PRKCQ: variants seen among roughly 807,000 people sequenced by gnomAD.
The protein encoded by PRKCQ is protein kinase C theta, also known as protein kinase C theta type.
PRKCQ carries 41 observed loss-of-function variants against 91.2 expected under a neutral mutation model. That is an observed-to-expected ratio of 0.45 (90% CI 0.35 to 0.58). The LOEUF is 0.58. Ranked by LOEUF, PRKCQ falls within the 20% of genes least tolerant of loss-of-function variation. The pLI is 0.00. For synonymous variants in PRKCQ, 307 were observed against 316.9 expected, an observed-to-expected ratio of 0.97 and a Z score of 0.33; for missense variants, 673 against 896.5, an observed-to-expected ratio of 0.75 and a Z score of 3.18.
Position 6,456,829 on chromosome 10 carries a change from A to G in PRKCQ, c.1509-17T>C. 1 of 1,613,182 alleles carries G rather than the reference A, an allele frequency of 6.2e-7. No homozygotes were observed. Among genetic ancestry groups the G allele is most frequent in the Non-Finnish European group, 8.5e-7 (1 of 1,179,542 alleles). ...TTCAGGTCCCTGAAAAACAAAAGTG[A>G]AGCAAATCTCACATTAATCAATATA... On this transcript the variant is annotated splice_polypyrimidine_tract_variant and intron_variant, in intron 14 of 17. Coordinates refer to ENST00000263125, the MANE Select transcript of PRKCQ (RefSeq NM_006257.5).
chr10:6,570,850 T>C (rs181040127), intron 1 of PRKCQ, among the ~76,000 whole-genome samples: 8 of 152,104 alleles, frequency 5.3e-5, no homozygotes, highest in African/African-American at 9.6e-5. Context: ...CCACTGTGCC[T>C]GGCTGGAACT....
chr10:6,557,489 T>G (rs1160470307), intron 1 of PRKCQ, among the ~76,000 whole-genome samples: 1 of 152,212 alleles, frequency 6.6e-6, no homozygotes, highest in Non-Finnish European at 1.5e-5. Flanking sequence ...CCCTCTCAGC[T>G]CACTCTTCAG....
At chr10:6,452,905 C>T (rs1324215419) in intron 15 of PRKCQ, among the ~76,000 whole-genome samples, 1 of 141,048 alleles carries the variant, frequency 7.1e-6, no homozygotes, top group Non-Finnish European at 1.5e-5. Flanking sequence ...TTCCTTACAC[C>T]TTATACAAAA....
At chr10:6,402,216 G>A in the PRKCQ span, among the ~76,000 whole-genome samples, 1 of 151,994 alleles carries the variant, frequency 6.6e-6, no homozygotes, top group Admixed American at 6.6e-5. Flanking sequence ...GGGACTAGGG[G>A]AGGGATAGCA....
At chr10:6,482,989 G>A (rs561746755) in intron 11 of PRKCQ, among the ~76,000 whole-genome samples, 1 of 152,174 alleles carries the variant, frequency 6.6e-6, no homozygotes, top group South Asian at 2.1e-4. Flanking sequence ...ACAGAGCCGA[G>A]CCCTATCACA....
chr10:6,460,481 T>TC (rs1491496666), intron 14 of PRKCQ, among the ~76,000 whole-genome samples: 1 of 116,556 alleles, frequency 8.6e-6, no homozygotes, highest in Non-Finnish European at 2.1e-5. Flanking sequence ...CTACTTCCCC[T>TC]TTTTTTTTTT....
chr10:6,486,098 G>T lies in PRKCQ; in HGVS notation c.837C>A (p.Asn279Lys), dbSNP rs1224372749. ...TTAGCTTCTGGTTTATGCCACAAAG[G>T]TTGGCCACCTTTGTCTGGCATCTAT... ...VHHRCQTKVANLCGINQKLMA... is the reference protein window; with the variant it reads ...VHHRCQTKVAKLCGINQKLMA... Residue 279 changes from asparagine (N) to lysine (K), a missense_variant, in exon 9 of 18, where the codon AAC (asparagine) becomes AAA (lysine). Physicochemically the swap from Asn to Lys is moderately conservative, Grantham distance 94. Transcript: ENST00000263125. 1 of 1,614,098 alleles carries T rather than the reference G, an allele frequency of 6.2e-7. No homozygotes were observed. Among genetic ancestry groups the T allele is most frequent in the Non-Finnish European group, 8.5e-7 (1 of 1,180,046 alleles).
downstream of PRKCQ, among the ~76,000 whole-genome samples, chr10:6,426,289 C>G (rs951561563): frequency 1.3e-5 from 2 of 152,154 alleles, no homozygotes; most frequent in African/African-American, 4.8e-5. Context: ...TTGGAGGCCC[C>G]AAAAGATGAA....
chr10:6,434,836 G>A (rs971336988), intron 16 of PRKCQ, among the ~76,000 whole-genome samples: 2 of 152,206 alleles, frequency 1.3e-5, no homozygotes, highest in Admixed American at 6.5e-5. Flanking sequence ...AGATATTTAT[G>A]TTCTATATCA....
At chr10:6,417,849 A>C in the PRKCQ span, among the ~76,000 whole-genome samples, 3 of 152,140 alleles carry the variant, frequency 2.0e-5, no homozygotes, top group Admixed American at 6.5e-5. Flanking sequence ...TTTTAATGTC[A>C]TTCCTACATC....
chr10:6,456,623 C>T, intron 15 of PRKCQ, 51 bp downstream of exon 15: 2 of 1,591,836 alleles, frequency 1.3e-6, no homozygotes, highest in Non-Finnish European at 1.7e-6. Context: ...GAAGCAATGG[C>T]ATGTGGCCAG....
chr10:6,394,761 C>G, the PRKCQ span, among the ~76,000 whole-genome samples: 1 of 152,234 alleles, frequency 6.6e-6, no homozygotes, highest in Admixed American at 6.5e-5. Context: ...TCGCAAGAAG[C>G]AGGGCCATTT....
chr10:6,560,347 A>C (rs1840581339), intron 1 of PRKCQ, among the ~76,000 whole-genome samples: 1 of 152,166 alleles, frequency 6.6e-6, no homozygotes, highest in African/African-American at 2.4e-5. Flanking sequence ...ACAGGCAGTC[A>C]TCCTTGATTT....
the PRKCQ span, among the ~76,000 whole-genome samples, chr10:6,412,830 T>G: frequency 3.3e-5 from 5 of 152,394 alleles, no homozygotes; most frequent in African/African-American, 1.2e-4. Context: ...GATCCCTCAG[T>G]GGGCCACTAG....
intron 1 of PRKCQ, among the ~76,000 whole-genome samples, chr10:6,528,194 G>GT (rs1839265084): frequency 6.6e-6 from 1 of 152,046 alleles, no homozygotes; most frequent in South Asian, 2.1e-4. Context: ...TGGGGCTGGT[G>GT]TTTTTCCCGG....
intron 15 of PRKCQ, among the ~76,000 whole-genome samples, chr10:6,445,110 C>G (rs1382211842): frequency 1.1e-5 from 1 of 91,832 alleles, no homozygotes; most frequent in Admixed American, 1.8e-4. Context: ...GGTGACAGAG[C>G]AAGACTCTGT....
At chr10:6,464,971 G>A (rs1478998206) in intron 12 of PRKCQ, among the ~76,000 whole-genome samples, 3 of 152,112 alleles carry the variant, frequency 2.0e-5, no homozygotes, top group African/African-American at 4.8e-5. Flanking sequence ...CAGCAGATGA[G>A]CGGGGGGCAC....
intron 1 of PRKCQ, among the ~76,000 whole-genome samples, chr10:6,574,832 C>A (rs1841168975): frequency 6.6e-6 from 1 of 152,212 alleles, no homozygotes; most frequent in South Asian, 2.1e-4. Context: ...TCTACAAACA[C>A]TGTTCCTACC....
At chr10:6,421,996 T>C in the PRKCQ span, among the ~76,000 whole-genome samples, 1 of 152,226 alleles carries the variant, frequency 6.6e-6, no homozygotes, top group East Asian at 1.9e-4. The surrounding 1 kb of genome is among the most constrained non-coding windows in gnomAD (Gnocchi z 4.1). Flanking sequence ...TTGTATTAAC[T>C]TTTACAAATT....
Sources: allele counts gnomAD v4.1 joint callset (sites outside exome capture counted in the v4.1 genomes callset), GRCh38; gene constraint gnomAD v4.1.1; non-coding constraint Gnocchi (gnomAD v3.1); transcripts MANE v1.5; gene names NCBI Gene and HGNC (gene_info 2026-07-23, HGNC 2026-07-21).